TCP10L: variants seen among roughly 807,000 people sequenced by gnomAD.
The protein encoded by TCP10L is T-complex protein 10A homolog 1.
A neutral mutation model predicts 19.2 loss-of-function variants in TCP10L; 11 were observed. The ratio of observed to expected loss-of-function variants is 0.57; its 90% CI spans 0.36 to 0.95. The LOEUF is 0.95. TCP10L is among the 40% of genes least tolerant of loss of function. TCP10L has a pLI of 0.01. For missense variants in TCP10L, 247 were observed against 263.9 expected (o/e 0.94, Z 0.44); for synonymous variants, 96 against 97.2 (o/e 0.99, Z 0.07).
In TCP10L at chr21:32,581,267, G is replaced by A. The variant is rs138939883; in HGVS notation, c.360+933C>T. Among the ~76,000 whole-genome samples, 12 of 152,290 alleles carry A rather than the reference G, an allele frequency of 7.9e-5. No homozygotes were observed. In the East Asian group the frequency reaches 1.9e-3, roughly 24 times the overall value. Reference sequence around the variant, plus strand: ...CAGCCCAACTCCCAAGGGGAAAACTGCCTTCCCACTCCATCTCCCTTCTGG... The same window carrying A: ...CAGCCCAACTCCCAAGGGGAAAACTACCTTCCCACTCCATCTCCCTTCTGG... On this transcript the variant is annotated intron_variant, in intron 3 of 4. Transcript: ENST00000300258.
At position 32,580,829 on chromosome 21, in the gene TCP10L, G is replaced by A. The variant is rs183304362; in HGVS notation, c.360+1371C>T. ...ATCAAACGTGAAAGCTCAGTGTTCT[G>A]TAGAGGCAGGCTGGTGCTGGGAGGC... On this transcript the variant is annotated intron_variant, in intron 3 of 4. Transcript: ENST00000300258. 1.5e-3 allele frequency among the ~76,000 whole-genome samples: 227 copies of A among 152,330 alleles called. 2 individuals are homozygous for A. The highest frequency in any genetic ancestry group is 5.1e-3 in the African/African-American group (214 of 41,562).
chr21:32,576,139 G>C lies in TCP10L; in HGVS notation c.*635C>G. The C allele has an allele frequency of 1.1e-6, 1 of 880,566 alleles. No individual in the cohort carries two copies. Among genetic ancestry groups the C allele is most frequent in the Non-Finnish European group, 1.7e-6 (1 of 587,216 alleles). The allele number at this position is 880,566 out of a possible 1,614,324, so 54.5% of individuals were successfully genotyped here. ...TGTCCTTGCCATAGTAAGATGTTCT[G>C]CTCACGCGTATCCACGAGAAAGCCC... On this transcript the variant is annotated 3_prime_UTR_variant, in exon 5 of 5. Transcript: ENST00000300258.
At chr21:32,584,070 C>T in intron 2 of TCP10L, 91 bp downstream of exon 2, 1 of 1,502,064 alleles carries the variant, frequency 6.7e-7, no homozygotes. Flanking sequence ...TACAGGGGTC[C>T]AGCAAGGGAA....
rs550379343 is a variant in TCP10L at position 32,576,472 on chromosome 21, C to T, written c.*302G>A. The T allele has an allele frequency of 3.8e-4, 245 of 640,624 alleles. 4 individuals carry two copies. The South Asian group carries it at 4.7e-3, about 12-fold the overall frequency. 39.7% of individuals were successfully genotyped at this position (640,624 alleles called of 1,614,324 possible). ...GGGCTCACCCAACAGCCCGACACTCCATACTACAAGGTGGGTTAATTTTTT... is the reference window on the plus strand; with the variant it reads ...GGGCTCACCCAACAGCCCGACACTCTATACTACAAGGTGGGTTAATTTTTT... On this transcript the variant is annotated 3_prime_UTR_variant, in exon 5 of 5. Transcript: ENST00000300258.
At chr21:32,580,433 C>T (rs893348648) in intron 3 of TCP10L, among the ~76,000 whole-genome samples, 1 of 150,204 alleles carries the variant, frequency 6.7e-6, no homozygotes, top group South Asian at 2.1e-4. Context: ...GCTTGGAGAA[C>T]AAACCACAGA....
At chr21:32,583,588 CAAAAAAAA>C (rs771224269) in intron 2 of TCP10L, among the ~76,000 whole-genome samples, 67 of 82,912 alleles carry the variant, frequency 8.1e-4, no homozygotes, top group East Asian at 2.3e-3. Flanking sequence ...GACTCCGTCT[CAAAAAAAA>C]AAAAAAAAAA....
intron 4 of TCP10L, 110 bp from the exon 5 acceptor site, chr21:32,577,033 C>A: frequency 8.6e-7 from 1 of 1,162,094 alleles, no homozygotes; most frequent in Non-Finnish European, 1.2e-6. Context: ...TCTACTCCCC[C>A]TTCCTACAGA....
At position 32,578,108 on chromosome 21, in the gene TCP10L, C is replaced by G. The variant is rs1345595511; in HGVS notation, c.498+586G>C. Among the ~76,000 whole-genome samples the G allele has an allele frequency of 6.6e-6, 1 of 152,266 alleles. No individual in the cohort carries two copies. Among genetic ancestry groups the G allele is most frequent in the African/African-American group, 2.4e-5 (1 of 41,470 alleles). On this transcript the variant is annotated intron_variant, in intron 4 of 4. Transcript: ENST00000300258. This position sits in a 1 kb window ranked among gnomAD's most constrained non-coding sequence, Gnocchi z 4.2. ...ATCATTCTGGTAAACCCACAACCTT[C>G]AGCGTGGGCATCATGGCCATCACGA...
intron 1 of TCP10L, among the ~76,000 whole-genome samples, chr21:32,584,873 G>A (rs1258570607): frequency 1.3e-5 from 2 of 152,158 alleles, no homozygotes; most frequent in South Asian, 2.1e-4. Context: ...TGACATTTGT[G>A]AATTCATGGT....
intron 2 of TCP10L, among the ~76,000 whole-genome samples, chr21:32,583,163 T>A (rs956753246): frequency 3.3e-5 from 5 of 150,146 alleles, no homozygotes; most frequent in Non-Finnish European, 7.4e-5. Flanking sequence ...GCATCCAGAG[T>A]AGTTGGGATT....
At position 32,576,261 on chromosome 21, in the gene TCP10L, A is replaced by G; in HGVS notation, c.*513T>C. 1 of 1,573,814 alleles carries G rather than the reference A, an allele frequency of 6.4e-7. No homozygotes were observed. The highest frequency in any genetic ancestry group is 1.1e-5 in the South Asian group (1 of 87,968). ...GCTCCTGCAGCATGGCGGCCTGGGAAGCCTGCACTGGTGATTTTCTGCCAC... is the reference window on the plus strand; with the variant it reads ...GCTCCTGCAGCATGGCGGCCTGGGAGGCCTGCACTGGTGATTTTCTGCCAC... On this transcript the variant is annotated 3_prime_UTR_variant, in exon 5 of 5. Coordinates refer to ENST00000300258, the MANE Select transcript of TCP10L (RefSeq NM_144659.7).
rs1322043748 is a variant in TCP10L, at chr21:32,578,994, C to T, written c.361-163G>A. 6.6e-6 allele frequency among the ~76,000 whole-genome samples: 1 copy of T among 152,278 alleles called. No individual in the cohort carries two copies. Among genetic ancestry groups the T allele is most frequent in the East Asian group, 1.9e-4 (1 of 5,180 alleles). ...CCTAATATGTTGATAAGAACAGAAA[C>T]CCTCACCAAGCGTTTGTGAAGGAAC... On this transcript the variant is annotated intron_variant, in intron 3 of 4. Transcript: ENST00000300258. This position sits in a 1 kb window ranked among gnomAD's most constrained non-coding sequence, Gnocchi z 4.2.
At chr21:32,579,299 A>C (rs149752401) in intron 3 of TCP10L, among the ~76,000 whole-genome samples, 2 of 152,354 alleles carry the variant, frequency 1.3e-5, no homozygotes, top group African/African-American at 4.8e-5. Flanking sequence ...GATGAGGTAT[A>C]TTAGGTCTGG....
At chr21:32,580,812 T>A (rs1335351069) in intron 3 of TCP10L, among the ~76,000 whole-genome samples, 1 of 152,174 alleles carries the variant, frequency 6.6e-6, no homozygotes, top group Non-Finnish European at 1.5e-5. Flanking sequence ...TGATCAAACG[T>A]GAAAGCTCAG....
At chr21:32,581,215 T>C (rs1247425914) in intron 3 of TCP10L, among the ~76,000 whole-genome samples, 1 of 152,020 alleles carries the variant, frequency 6.6e-6, no homozygotes, top group Admixed American at 6.5e-5. Flanking sequence ...TTGCTTGGGG[T>C]GGTCAGGGGA....
intron 1 of TCP10L, among the ~76,000 whole-genome samples, chr21:32,585,091 A>G (rs2038546660): frequency 6.6e-6 from 1 of 152,170 alleles, no homozygotes; most frequent in Non-Finnish European, 1.5e-5. Flanking sequence ...CCGACTGTTT[A>G]ATTCATAAAC....
chr21:32,583,783 G>A (rs1233615028), intron 2 of TCP10L, among the ~76,000 whole-genome samples: 1 of 145,220 alleles, frequency 6.9e-6, no homozygotes, highest in Non-Finnish European at 1.5e-5. Context: ...TTTAATGACA[G>A]CAAGCACTGT....
rs940323234 is a variant in TCP10L at position 32,574,806 on chromosome 21, C to T, written c.*1968G>A. The T allele has an allele frequency of 6.3e-6, 1 of 158,362 alleles. No homozygotes were observed. The highest frequency in any genetic ancestry group is 1.9e-4 in the East Asian group (1 of 5,204). 9.8% of individuals were successfully genotyped at this position (158,362 alleles called of 1,614,324 possible). On this transcript the variant is annotated 3_prime_UTR_variant, in exon 5 of 5. Coordinates refer to ENST00000300258, the MANE Select transcript of TCP10L (RefSeq NM_144659.7). The stretch of plus-strand genomic sequence containing the variant: ...ACATTCTTTCTTGTTCATGAGATTA[C>T]TATACACATGTCAGGTCAGTTCAAC...
Position 32,582,570 on chromosome 21 carries a change from C to T in TCP10L, c.145-155G>A. The T allele has an allele frequency of 1.6e-6, 1 of 628,396 alleles. No individual in the cohort carries two copies. Among genetic ancestry groups the T allele is most frequent in the South Asian group, 2.2e-5 (1 of 44,896 alleles). 38.9% of individuals were successfully genotyped at this position (628,396 alleles called of 1,614,324 possible). On this transcript the variant is annotated intron_variant, in intron 2 of 4. Coordinates refer to ENST00000300258, the MANE Select transcript of TCP10L (RefSeq NM_144659.7). The surrounding 1 kb of genome is among the most constrained non-coding windows in gnomAD (Gnocchi z 4.2). ...TAAACAGGACTACCACAGCCTTTTTCTTTCTTCTTTCTTTCCTTTCTTTCT... is the reference window on the plus strand; with the variant it reads ...TAAACAGGACTACCACAGCCTTTTTTTTTCTTCTTTCTTTCCTTTCTTTCT...
Sources: allele counts gnomAD v4.1 joint callset (sites outside exome capture counted in the v4.1 genomes callset), GRCh38; gene constraint gnomAD v4.1.1; non-coding constraint Gnocchi (gnomAD v3.1); transcripts MANE v1.5; gene names NCBI Gene and HGNC (gene_info 2026-07-23, HGNC 2026-07-21).